Variants in ZNF592 observed in about 807,000 individuals in gnomAD.
ZNF592 encodes zinc finger protein 592.
ZNF592 carries 11 observed loss-of-function variants against 80.3 expected under a neutral mutation model. That is an observed-to-expected ratio of 0.14 (90% CI 0.09 to 0.23). The LOEUF is 0.23. ZNF592 is among the 10% of genes least tolerant of loss of function. The pLI, the probability that ZNF592 is intolerant of heterozygous loss-of-function variation, is 1.00. For synonymous variants in ZNF592, 646 were observed against 640.3 expected (o/e 1.01, Z -0.13); for missense variants, 1,420 against 1,633.9 (o/e 0.87, Z 2.26).
intron 2 of ZNF592, among the ~76,000 whole-genome samples, chr15:84,765,787 C>T (rs554925291): frequency 1.2e-4 from 18 of 152,044 alleles, no homozygotes; most frequent in South Asian, 1.0e-3. Flanking sequence ...CTGCCTGCCT[C>T]GGCCTCCTAA....
rs117521140 is a variant in ZNF592 at position 84,779,104 on chromosome 15, G to A, written c.-20+792G>A. 9.2e-3 allele frequency among the ~76,000 whole-genome samples: 1,397 copies of A among 152,336 alleles called. 12 individuals are homozygous for A. The highest frequency in any genetic ancestry group is 0.034 in the Middle Eastern group (10 of 294). On this transcript the variant is annotated intron_variant, in intron 3 of 10. Coordinates refer to ENST00000560079, the MANE Select transcript of ZNF592 (RefSeq NM_014630.3). The stretch of plus-strand genomic sequence containing the variant: ...ACAGAGGGAGGGGGGCTCCAAAGCC[G>A]AAAGAGGAGGTCCCTCTATAAGGGC...
intron 2 of ZNF592, among the ~76,000 whole-genome samples, chr15:84,767,993 C>T (rs1899578576): frequency 6.6e-6 from 1 of 151,878 alleles, no homozygotes; most frequent in Admixed American, 6.6e-5. Context: ...CCTCCCACCT[C>T]AGCCTTTTGA....
chr15:84,797,336 T>C (rs1272256160), intron 5 of ZNF592, among the ~76,000 whole-genome samples: 7 of 152,126 alleles, frequency 4.6e-5, no homozygotes, highest in Non-Finnish European at 1.0e-4. Context: ...TTCCTGGGCT[T>C]TAAGGGTTTT....
chr15:84,800,125 G>A (rs1460358312), intron 10 of ZNF592, 148 bp downstream of exon 10: 17 of 1,234,592 alleles, frequency 1.4e-5, no homozygotes, highest in Non-Finnish European at 1.5e-5. Context: ...TGTGTGACCC[G>A]CCTGGCACTG....
At chr15:84,769,864 T>C (rs1899648207) in intron 2 of ZNF592, among the ~76,000 whole-genome samples, 1 of 152,172 alleles carries the variant, frequency 6.6e-6, no homozygotes, top group South Asian at 2.1e-4. Flanking sequence ...CAGCCTCAAA[T>C]TCCTGGGCTC....
chr15:84,797,442 G>T (rs1962949741), intron 5 of ZNF592, among the ~76,000 whole-genome samples: 1 of 152,194 alleles, frequency 6.6e-6, no homozygotes, highest in Admixed American at 6.5e-5. Flanking sequence ...CTGTGGGAAG[G>T]CATGGGCTTT....
Position 84,797,977 on chromosome 15 carries a change from C to A in ZNF592, c.2508C>A (p.Phe836Leu). ...FHKCAFCPMA[F>L]KTASSTADHS... is the part of the protein sequence containing the mutation. The stretch of plus-strand genomic sequence containing the variant: ...AATGTGCATTCTGCCCCATGGCCTT[C>A]AAGACTGCCAGCAGCACTGCAGACC... The change falls in exon 6 of 11, where the codon TTC (phenylalanine) becomes TTA (leucine). Residue 836 changes from phenylalanine to leucine, a missense_variant. By Grantham distance (22) the Phe-to-Leu change is conservative. Coordinates refer to ENST00000560079, the MANE Select transcript of ZNF592 (RefSeq NM_014630.3). 6.2e-7 allele frequency: 1 copy of A among 1,614,212 alleles called. No homozygotes were observed. The highest frequency in any genetic ancestry group is 8.5e-7 in the Non-Finnish European group (1 of 1,180,048).
chr15:84,777,475 CA>C (rs549871970), intron 2 of ZNF592, among the ~76,000 whole-genome samples: 95 of 55,128 alleles, frequency 1.7e-3, no homozygotes, highest in Middle Eastern at 0.013. Flanking sequence ...GACTCCGTCT[CA>C]AAAAAAAAAA....
Position 84,802,135 on chromosome 15 carries a change from G to A in ZNF592, c.3546G>A (p.Glu1182=). Residue 1182 remains glutamate, a synonymous_variant, in exon 11 of 11, where the codon GAG becomes GAA. Transcript: ENST00000560079. ...TTGTCCACAAGGTGAGAGACCAGGA[G>A]GAGGAGGAGGAAGAGGAGGCGGCGG... ...LFIVHKVRDQ[E]EEEEEEAAAA... 1.2e-6 allele frequency: 2 copies of A among 1,606,492 alleles called. No individual in the cohort carries two copies. The highest frequency in any genetic ancestry group is 2.2e-5 in the South Asian group (2 of 90,854).
rs1218089333 is a variant in ZNF592 at position 84,784,514 on chromosome 15, T to G, written c.1839T>G (p.Ile613Met). 1 of 1,614,098 alleles carries G rather than the reference T, an allele frequency of 6.2e-7. No homozygotes were observed. Among genetic ancestry groups the G allele is most frequent in the Admixed American group, 1.7e-5 (1 of 60,020 alleles). Residue 613 changes from isoleucine (I) to methionine (M), a missense_variant, in exon 4 of 11, where the codon ATT becomes ATG. Ile to Met is a conservative substitution (Grantham distance 10). Coordinates refer to ENST00000560079, the MANE Select transcript of ZNF592 (RefSeq NM_014630.3). The surrounding 1 kb of genome is among the most constrained non-coding windows in gnomAD (Gnocchi z 5.8). ...SQHYGRRSVH[I>M]EVLCTLCSKT... ...ACTATGGCCGGCGGAGCGTCCACAT[T>G]GAGGTACTGTGCACACTGTGCTCCA...
rs1962504638 is a variant in ZNF592 at position 84,783,998 on chromosome 15, C to T, written c.1323C>T (p.Ser441=). 6.2e-7 allele frequency: 1 copy of T among 1,610,968 alleles called. No homozygotes were observed. The highest frequency in any genetic ancestry group is 1.1e-5 in the South Asian group (1 of 91,006). ...HFPEAGTNSG[S]PQGARKGDES... ...CTGAGGCAGGCACAAATTCAGGGAG[C>T]CCCCAGGGGGCCAGGAAAGGGGACG... Residue 441 remains serine, a synonymous_variant, in exon 4 of 11, where the codon AGC becomes AGT. Transcript: ENST00000560079. This position sits in a 1 kb window ranked among gnomAD's most constrained non-coding sequence, Gnocchi z 5.0.
intron 2 of ZNF592, among the ~76,000 whole-genome samples, chr15:84,775,262 A>G (rs1962210201): frequency 6.6e-6 from 1 of 151,358 alleles, no homozygotes; most frequent in African/African-American, 2.4e-5. Flanking sequence ...TACCTGGCTA[A>G]TTTTTGTATT....
intron 2 of ZNF592, among the ~76,000 whole-genome samples, chr15:84,772,147 G>T (rs1962099768): frequency 6.6e-6 from 1 of 152,028 alleles, no homozygotes; most frequent in African/African-American, 2.4e-5. Context: ...CTTTGTTCTG[G>T]GTCCAGGAAC....
At chr15:84,752,268 ATAAGAACT>A (rs1409043442) in intron 1 of ZNF592, among the ~76,000 whole-genome samples, 16 of 152,172 alleles carry the variant, frequency 1.1e-4, no homozygotes, top group Non-Finnish European at 2.4e-4. Flanking sequence ...TTGACACTGT[ATAAGAACT>A]TGTGGGATAC....
chr15:84,763,720 G>C (rs1273025505), intron 1 of ZNF592, among the ~76,000 whole-genome samples: 1 of 152,104 alleles, frequency 6.6e-6, no homozygotes, highest in Non-Finnish European at 1.5e-5. Flanking sequence ...ACTAAATGTT[G>C]GTCTGTCAAA....
rs1962997139 is a variant in ZNF592, at chr15:84,798,637, C to T, written c.2786C>T (p.Ser929Phe). ...RNVDELSSLQ[S>F]SADTSSSRPG... is the part of the protein sequence containing the mutation. ...GTGGACGAGCTGTCAAGCCTCCAGTCTTCAGCGGACACATCCTCAAGCCGC... is the reference window on the plus strand; with the variant it reads ...GTGGACGAGCTGTCAAGCCTCCAGTTTTCAGCGGACACATCCTCAAGCCGC... Residue 929 changes from serine (S) to phenylalanine (F), a missense_variant, in exon 8 of 11, where the codon TCT becomes TTT. Coordinates refer to ENST00000560079, the MANE Select transcript of ZNF592 (RefSeq NM_014630.3). The surrounding 1 kb of genome is among the most constrained non-coding windows in gnomAD (Gnocchi z 4.5). 3.1e-6 allele frequency: 5 copies of T among 1,613,940 alleles called. No homozygotes were observed. Among genetic ancestry groups the T allele is most frequent in the Non-Finnish European group, 4.2e-6 (5 of 1,180,044 alleles).
intron 2 of ZNF592, among the ~76,000 whole-genome samples, chr15:84,771,662 T>G (rs982958561): frequency 2.0e-5 from 3 of 152,140 alleles, no homozygotes; most frequent in Non-Finnish European, 2.9e-5. Flanking sequence ...AAACGTTTTT[T>G]TTGTTTGTTT....
intron 4 of ZNF592, 144 bp from the exon 5 acceptor site, chr15:84,790,561 A>C: frequency 1.2e-6 from 1 of 825,784 alleles, no homozygotes; most frequent in Non-Finnish European, 2.0e-6. Flanking sequence ...TAGGGGTGTC[A>C]GAAGTGTCCA....
intron 1 of ZNF592, among the ~76,000 whole-genome samples, chr15:84,763,998 C>G (rs1292503080): frequency 6.6e-6 from 1 of 152,136 alleles, no homozygotes; most frequent in Non-Finnish European, 1.5e-5. Context: ...AGAGTTCTGC[C>G]GACTTTCCTC....
Sources: allele counts gnomAD v4.1 joint callset (sites outside exome capture counted in the v4.1 genomes callset), GRCh38; gene constraint gnomAD v4.1.1; non-coding constraint Gnocchi (gnomAD v3.1); transcripts MANE v1.5; gene names NCBI Gene and HGNC (gene_info 2026-07-23, HGNC 2026-07-21).